The following ACP7 variants were observed in gnomAD, a reference collection of about 807,000 sequenced individuals.
The protein encoded by ACP7 is acid phosphatase 7, tartrate resistant (putative), also known as acid phosphatase type 7.
ACP7 carries 58 observed loss-of-function variants against 60.6 expected under a neutral mutation model. The ratio of observed to expected loss-of-function variants is 0.96; its 90% CI spans 0.77 to 1.19. The LOEUF (loss-of-function observed/expected upper bound fraction) is 1.19, where lower values mean the gene tolerates loss of function less well. Among genes scored for constraint, ACP7 ranks in the 50% most tolerant of loss-of-function variants. The pLI, the probability that ACP7 is intolerant of heterozygous loss-of-function variation, is 0.00. For synonymous variants in ACP7, 237 were observed against 232.6 expected (o/e 1.02, Z -0.17); for missense variants, 574 against 596.2 (o/e 0.96, Z 0.39).
In ACP7 at chr19:39,100,822, G is replaced by A. The variant is rs781257962; in HGVS notation, c.776G>A (p.Arg259Lys). ...FLHYGRHLVQ[R>K]QFRWLESDLQ... ...CATTATGGCCGCCACTTGGTACAGA[G>A]GCAGTTTCGCTGGCTGGAGAGCGAC... is the stretch of plus-strand genomic sequence containing the variant. The change falls in exon 7 of 13, where the codon AGG (arginine) becomes AAG (lysine). Residue 259 changes from arginine to lysine, a missense_variant. Physicochemically the swap from Arg to Lys is conservative, Grantham distance 26. Coordinates refer to ENST00000331256, the MANE Select transcript of ACP7 (RefSeq NM_001004318.3). 1.5e-5 allele frequency: 25 copies of A among 1,613,854 alleles called. No individual in the cohort carries two copies. The highest frequency in any genetic ancestry group is 1.9e-5 in the Non-Finnish European group (23 of 1,180,016).
At chr19:39,102,767 C>CTTTCTTTCTTTCTTTTTCTTTCTT (rs754172891) in intron 11 of ACP7, among the ~76,000 whole-genome samples, 1 of 101,054 alleles carries the variant, frequency 9.9e-6, no homozygotes, top group East Asian at 3.3e-4. Context: ...TTCTTTCTTT[C>CTTTCTTTCTTTCTTTTTCTTTCTT]TCTCTCTCTC....
intron 11 of ACP7, 90 bp downstream of exon 11, chr19:39,101,627 A>T (rs2073347325): frequency 1.5e-6 from 2 of 1,362,622 alleles, no homozygotes; most frequent in Middle Eastern, 2.1e-4. Flanking sequence ...TGGGTGCTTT[A>T]TATAGTGGAT....
In ACP7 at chr19:39,099,195, T is replaced by C. The variant is rs534041740; in HGVS notation, c.505+53T>C. The C allele has an allele frequency of 1.4e-4, 188 of 1,316,842 alleles. 2 individuals carry two copies. In the Admixed American group the frequency reaches 2.8e-3, roughly 20 times the overall value. The allele number at this position is 1,316,842 out of a possible 1,614,324, so 81.6% of individuals were successfully genotyped here. On this transcript the variant is annotated intron_variant, in intron 4 of 12. Coordinates refer to ENST00000331256, the MANE Select transcript of ACP7 (RefSeq NM_001004318.3). ...GGACGGTGGGGGGCGCGCGCAGGGA[T>C]GGTGGGGGGCGCGCGGGTCGGGGGC...
intron 7 of ACP7, 48 bp downstream of exon 7, chr19:39,100,901 C>T (rs1273629301): frequency 9.3e-6 from 15 of 1,609,494 alleles, no homozygotes; most frequent in Admixed American, 1.7e-5. Context: ...CCCCACCTCC[C>T]CCTCCACCCC....
intron 12 of ACP7, among the ~76,000 whole-genome samples, 165 bp downstream of exon 12, chr19:39,107,249 A>C (rs1252341543): frequency 6.6e-6 from 1 of 152,018 alleles, no homozygotes; most frequent in African/African-American, 2.4e-5. Context: ...GGAGTTCAAG[A>C]CCAGCCTGGG....
At chr19:39,099,808 C>A (rs539089282) in intron 4 of ACP7, among the ~76,000 whole-genome samples, 10 of 151,700 alleles carry the variant, frequency 6.6e-5, no homozygotes, top group African/African-American at 2.4e-4. Context: ...GCCCAGCCAA[C>A]ATGGTGAAAC....
At chr19:39,098,253 C>CAAAAAAAAAA (rs59373149) in intron 2 of ACP7, among the ~76,000 whole-genome samples, 98 of 64,944 alleles carry the variant, frequency 1.5e-3, no homozygotes, top group South Asian at 2.1e-3. Flanking sequence ...GACCCTGACT[C>CAAAAAAAAAA]AAAAAAAAAA....
At position 39,098,559 on chromosome 19, in the gene ACP7, C is replaced by T; in HGVS notation, c.223C>T (p.Gln75Ter). 1 of 1,613,452 alleles carries T rather than the reference C, an allele frequency of 6.2e-7. No individual in the cohort carries two copies. Among genetic ancestry groups the T allele is most frequent in the Non-Finnish European group, 8.5e-7 (1 of 1,179,722 alleles). Reference sequence around the variant, plus strand: ...GTCGGGGCCCCTGCCCCTCCGCGCCCAGGGCACCTTCGTCCCCTTTGTGGA... The same window carrying T: ...GTCGGGGCCCCTGCCCCTCCGCGCCTAGGGCACCTTCGTCCCCTTTGTGGA... The part of the protein sequence containing the change: ...QPSGPLPLRA[Q>*]GTFVPFVDGG... Residue 75 changes from glutamine to a stop codon, truncating the protein, a stop_gained, in exon 3 of 13, where the codon CAG becomes TAG. Transcript: ENST00000331256. LOFTEE classifies it high-confidence loss of function.
Position 39,093,172 on chromosome 19 carries a change from CTCCT to C in ACP7, c.122-5271_122-5268del, listed in dbSNP as rs1358401524. ...TCTTTCTTTCTCTTTCTTTCTTTCTCTCCTTCCTTCCTTCCTTCTTTCTTTGTTT... is the reference window on the plus strand; with the variant it reads ...TCTTTCTTTCTCTTTCTTTCTTTCTCTCCTTCCTTCCTTCTTTCTTTGTTT... On this transcript the variant is annotated intron_variant, in intron 2 of 12. Coordinates refer to ENST00000331256, the MANE Select transcript of ACP7 (RefSeq NM_001004318.3). Among the ~76,000 whole-genome samples the C allele has an allele frequency of 1.1e-4, 9 of 80,932 alleles. 1 individual carries two copies. The highest frequency in any genetic ancestry group is 1.5e-4 in the Non-Finnish European group (6 of 39,802). 53.1% of individuals were successfully genotyped at this position (80,932 alleles called of 152,430 possible).
rs753813702 is a variant in ACP7 at position 39,098,940 on chromosome 19, C to T, written c.323-20C>T. 5.5e-5 allele frequency: 88 copies of T among 1,609,406 alleles called. No homozygotes were observed. Among genetic ancestry groups the T allele is most frequent in the Non-Finnish European group, 6.2e-5 (73 of 1,179,564 alleles). On this transcript the variant is annotated intron_variant, in intron 3 of 12. Transcript: ENST00000331256. ...CCCGGGGCGCCCCAGCTGACTGCGA[C>T]CTTTTCCTCTCCCATTCAGTTTATC...
chr19:39,088,448 G>A (rs1600251280), intron 2 of ACP7, among the ~76,000 whole-genome samples: 1 of 152,202 alleles, frequency 6.6e-6, no homozygotes, highest in Admixed American at 6.6e-5. Context: ...TGTAAAAATG[G>A]GAAAGGCAGT....
intron 2 of ACP7, among the ~76,000 whole-genome samples, chr19:39,089,237 T>C (rs1343541413): frequency 6.6e-6 from 1 of 151,844 alleles, no homozygotes; most frequent in East Asian, 1.9e-4. Flanking sequence ...CCCCTAATTT[T>C]TGTATTTTTC....
Position 39,107,004 on chromosome 19 carries a change from C to T in ACP7, c.1171C>T (p.Arg391Cys), listed in dbSNP as rs766788180. The T allele has an allele frequency of 4.3e-6, 7 of 1,614,064 alleles. No individual in the cohort carries two copies. Among genetic ancestry groups the T allele is most frequent in the South Asian group, 3.3e-5 (3 of 91,078 alleles). Reference sequence around the variant, plus strand: ...CTTCCCGAGGCCCTGGAGTGCCGTGCGTGTGAAGGAGTACGGGTATACGCG... The same window carrying T: ...CTTCCCGAGGCCCTGGAGTGCCGTGTGTGTGAAGGAGTACGGGTATACGCG... ...AVFPRPWSAV[R>C]VKEYGYTRLH... The change falls in exon 12 of 13, where the codon CGT becomes TGT. Residue 391 changes from arginine to cysteine, a missense_variant. Physicochemically the swap from Arg to Cys is radical, Grantham distance 180. Transcript: ENST00000331256.
rs760265096 is a variant in ACP7 at position 39,107,026 on chromosome 19, C to T, written c.1193C>T (p.Thr398Met). ...GTGCGTGTGAAGGAGTACGGGTATA[C>T]GCGGCTGCACATCCTCAACGGGACC... ...SAVRVKEYGY[T>M]RLHILNGTHI... is the part of the protein sequence containing the mutation. Residue 398 changes from threonine (T) to methionine (M), a missense_variant, in exon 12 of 13, where the codon ACG (threonine) becomes ATG (methionine). By Grantham distance (81) the Thr-to-Met change is moderately conservative. Coordinates refer to ENST00000331256, the MANE Select transcript of ACP7 (RefSeq NM_001004318.3). The T allele has an allele frequency of 2.9e-5, 46 of 1,613,970 alleles. No homozygotes were observed. Among genetic ancestry groups the T allele is most frequent in the Non-Finnish European group, 3.2e-5 (38 of 1,180,034 alleles).
At chr19:39,107,578 C>CAAAAAAAAAAAAA (rs34130688) in intron 12 of ACP7, among the ~76,000 whole-genome samples, 1 of 81,226 alleles carries the variant, frequency 1.2e-5, no homozygotes. Context: ...GACTCTGTCT[C>CAAAAAAAAAAAAA]AAAAAAAAAA....
rs1306468745 is a variant in ACP7, at chr19:39,110,680, G to T, written c.*562G>T. On this transcript the variant is annotated 3_prime_UTR_variant, in exon 13 of 13. Coordinates refer to ENST00000331256, the MANE Select transcript of ACP7 (RefSeq NM_001004318.3). ...CCTTCATGCCTCAGTTTCCCAGCCT[G>T]GCACCATCTTATTCGGGAAGAGGAG... is the stretch of plus-strand genomic sequence containing the variant. The T allele has an allele frequency of 1.3e-5, 2 of 152,614 alleles. No homozygotes were observed. Among genetic ancestry groups the T allele is most frequent in the African/African-American group, 4.8e-5 (2 of 41,574 alleles). 9.5% of individuals were successfully genotyped at this position (152,614 alleles called of 1,614,324 possible).
chr19:39,098,418 G>A, intron 2 of ACP7, 40 bp from the exon 3 acceptor site: 3 of 1,149,678 alleles, frequency 2.6e-6, no homozygotes, highest in Non-Finnish European at 3.6e-6. Context: ...ACCCTGCCCA[G>A]GCTTCACTCC....
At chr19:39,098,268 A>G (rs1260685626) in intron 2 of ACP7, among the ~76,000 whole-genome samples, 190 bp from the exon 3 acceptor site, 1 of 151,090 alleles carries the variant, frequency 6.6e-6, no homozygotes, top group African/African-American at 2.4e-5. Context: ...AAAAAAAAAA[A>G]AAAAAAAAAA....
chr19:39,092,730 G>A (rs1276486266), intron 2 of ACP7, among the ~76,000 whole-genome samples: 1 of 149,206 alleles, frequency 6.7e-6, no homozygotes, highest in Non-Finnish European at 1.5e-5. Context: ...ACTCAGACCA[G>A]TGTCTCTGTT....
Sources: allele counts gnomAD v4.1 joint callset (sites outside exome capture counted in the v4.1 genomes callset), GRCh38; gene constraint gnomAD v4.1.1; transcripts MANE v1.5; gene names NCBI Gene and HGNC (gene_info 2026-07-23, HGNC 2026-07-21).